SGCZ: variants seen among roughly 807,000 people sequenced by gnomAD.
The protein encoded by SGCZ is zeta-sarcoglycan.
Under a neutral mutation model 41.3 loss-of-function variants are expected in SGCZ, and 40 were observed. That is an observed-to-expected ratio of 0.97 (90% CI 0.75 to 1.26). The LOEUF (loss-of-function observed/expected upper bound fraction) is 1.26, where lower values mean the gene tolerates loss of function less well. Among genes scored for constraint, SGCZ ranks in the 50% most tolerant of loss-of-function variants. The pLI is 0.00. For synonymous variants in SGCZ, 206 were observed against 137.5 expected, an observed-to-expected ratio of 1.50 and a Z score of -3.49; for missense variants, 552 against 369.8, an observed-to-expected ratio of 1.49 and a Z score of -4.04.
chr8:14,186,316 T>C (rs546884765), intron 4 of SGCZ, among the ~76,000 whole-genome samples: 1 of 152,140 alleles, frequency 6.6e-6, no homozygotes, highest in South Asian at 2.1e-4. Flanking sequence ...AGAGAGACTG[T>C]ATCATTTTAG....
intron 4 of SGCZ, among the ~76,000 whole-genome samples, chr8:14,204,488 T>C (rs965471261): frequency 6.6e-6 from 1 of 152,120 alleles, no homozygotes; most frequent in Non-Finnish European, 1.5e-5. Flanking sequence ...GCACGTAAGG[T>C]AAAAATCTGG....
rs2116936905 is a variant in SGCZ, at chr8:14,085,383, A to G, written c.*5060T>C. Among the ~76,000 whole-genome samples, 1 of 151,870 alleles carries G rather than the reference A, an allele frequency of 6.6e-6. No individual in the cohort carries two copies. Among genetic ancestry groups the G allele is most frequent in the East Asian group, 1.9e-4 (1 of 5,136 alleles). On this transcript the variant is annotated 3_prime_UTR_variant, in exon 8 of 8. Transcript: ENST00000382080. Reference sequence around the variant, plus strand: ...CTCAAACTCCAGATTACATATCTCCATTGTTAATGAATGTCCTTGCCCATC... The same window carrying G: ...CTCAAACTCCAGATTACATATCTCCGTTGTTAATGAATGTCCTTGCCCATC...
chr8:14,659,332 A>C (rs1478064165), intron 1 of SGCZ, among the ~76,000 whole-genome samples: 2 of 152,184 alleles, frequency 1.3e-5, no homozygotes, highest in African/African-American at 2.4e-5. Context: ...TACGCATTGC[A>C]ACATCACATT....
chr8:15,022,393 G>C (rs1365455886), intron 1 of SGCZ, among the ~76,000 whole-genome samples: 1 of 151,534 alleles, frequency 6.6e-6, no homozygotes, highest in Non-Finnish European at 1.5e-5. Context: ...CACCACACTG[G>C]AGTGCAGTGG....
intron 2 of SGCZ, among the ~76,000 whole-genome samples, chr8:14,453,396 C>A (rs555978878): frequency 6.6e-6 from 1 of 152,046 alleles, no homozygotes; most frequent in Non-Finnish European, 1.5e-5. Flanking sequence ...TTCCCATAAA[C>A]GAGAATTTGA....
chr8:15,234,426 G>A (rs1802057707), intron 1 of SGCZ, among the ~76,000 whole-genome samples: 2 of 152,126 alleles, frequency 1.3e-5, no homozygotes, highest in African/African-American at 4.8e-5. Flanking sequence ...ACATTCATTG[G>A]AGAGAGAAAC....
chr8:14,791,746 G>A (rs1313689574), intron 1 of SGCZ, among the ~76,000 whole-genome samples: 1 of 152,148 alleles, frequency 6.6e-6, no homozygotes, highest in African/African-American at 2.4e-5. Context: ...CCAACCTTCA[G>A]TAATCCCCAT....
chr8:15,054,999 C>A (rs1286006436), intron 1 of SGCZ, among the ~76,000 whole-genome samples: 1 of 151,714 alleles, frequency 6.6e-6, no homozygotes, highest in African/African-American at 2.4e-5. Context: ...TTTGCAATGG[C>A]TGCCATCCCA....
rs542347895 is a variant in SGCZ, at chr8:14,893,222, T to C, written c.40-338296A>G. 5.3e-5 allele frequency among the ~76,000 whole-genome samples: 8 copies of C among 152,174 alleles called. No homozygotes were observed. The East Asian group carries it at 1.4e-3, about 26-fold the overall frequency. On this transcript the variant is annotated intron_variant, in intron 1 of 7. Transcript: ENST00000382080. ...TACAAGAGTAGGGTCAGAGAGATGC[T>C]ACATTGCTCATTTTAAAGATGGAGG... is the stretch of plus-strand genomic sequence containing the variant.
intron 2 of SGCZ, among the ~76,000 whole-genome samples, chr8:14,471,394 T>C (rs1183352834): frequency 6.6e-6 from 1 of 152,158 alleles, no homozygotes; most frequent in Non-Finnish European, 1.5e-5. Flanking sequence ...ACCTGTAATA[T>C]GTATGCCACT....
At chr8:15,100,750 A>T in intron 1 of SGCZ, among the ~76,000 whole-genome samples, 1 of 152,208 alleles carries the variant, frequency 6.6e-6, no homozygotes, top group Non-Finnish European at 1.5e-5. Flanking sequence ...TGGGAGGCCA[A>T]ACACGGAGAA....
intron 4 of SGCZ, among the ~76,000 whole-genome samples, chr8:14,168,778 A>G (rs1007095193): frequency 1.3e-5 from 2 of 152,146 alleles, no homozygotes; most frequent in Non-Finnish European, 1.5e-5. Flanking sequence ...ATTTGCAGAA[A>G]ATCTGTTATA....
At chr8:15,074,524 C>T (rs1004293112) in intron 1 of SGCZ, among the ~76,000 whole-genome samples, 1 of 152,114 alleles carries the variant, frequency 6.6e-6, no homozygotes, top group Non-Finnish European at 1.5e-5. Context: ...AAATTTATTT[C>T]CACATTCCCG....
chr8:14,101,564 G>GAAAATTGGGGA (rs1402670457), intron 7 of SGCZ, among the ~76,000 whole-genome samples: 5 of 151,708 alleles, frequency 3.3e-5, no homozygotes, highest in East Asian at 1.9e-4. Flanking sequence ...GATGTCTGCA[G>GAAAATTGGGGA]GAGTAGCAAC....
At position 14,443,140 on chromosome 8, in the gene SGCZ, A is replaced by T. The variant is rs961371947; in HGVS notation, c.234+111592T>A. Among the ~76,000 whole-genome samples the T allele has an allele frequency of 2.9e-5, 4 of 140,170 alleles. No individual in the cohort carries two copies. The South Asian group carries it at 8.9e-4, about 31-fold the overall frequency. 92.0% of individuals were successfully genotyped at this position (140,170 alleles called of 152,430 possible). A position where few individuals can be genotyped will look rare whatever the true frequency, so the allele number is the denominator to read the frequency against. On this transcript the variant is annotated intron_variant, in intron 2 of 7. Coordinates refer to ENST00000382080, the MANE Select transcript of SGCZ (RefSeq NM_139167.4). The stretch of plus-strand genomic sequence containing the variant: ...ACCTCTTCAAGGAGAACCACAAACC[A>T]CTGCTCAAGGAAATAAAAGACGATA...
At chr8:14,143,097 G>C (rs1601428) in intron 5 of SGCZ, among the ~76,000 whole-genome samples, 3 of 151,634 alleles carry the variant, frequency 2.0e-5, no homozygotes, top group African/African-American at 7.3e-5. Flanking sequence ...ATAGCATTTG[G>C]TGCTTAATAT....
chr8:15,083,969 C>A (rs187043146), intron 1 of SGCZ, among the ~76,000 whole-genome samples: 3 of 149,286 alleles, frequency 2.0e-5, no homozygotes, highest in African/African-American at 7.6e-5. Flanking sequence ...TAGTCCTTTA[C>A]ATTCAGTTAT....
At chr8:14,092,511 A>C (rs1222057553) in intron 7 of SGCZ, among the ~76,000 whole-genome samples, 1 of 151,952 alleles carries the variant, frequency 6.6e-6, no homozygotes, top group Non-Finnish European at 1.5e-5. Context: ...GTCCCCACCC[A>C]AACCTCATCT....
intron 1 of SGCZ, among the ~76,000 whole-genome samples, chr8:14,867,239 T>C (rs1052698251): frequency 2.0e-5 from 3 of 152,146 alleles, no homozygotes; most frequent in African/African-American, 4.8e-5. Flanking sequence ...TGAAGTAGGA[T>C]AATGGTCTCG....
Sources: allele counts gnomAD v4.1 joint callset (sites outside exome capture counted in the v4.1 genomes callset), GRCh38; gene constraint gnomAD v4.1.1; transcripts MANE v1.5; gene names NCBI Gene and HGNC (gene_info 2026-07-23, HGNC 2026-07-21).